The following RCAN2 variants were observed in gnomAD, a reference collection of about 807,000 sequenced individuals.
The protein encoded by RCAN2 is regulator of calcineurin 2, also known as calcipressin-2.
A neutral mutation model predicts 23.6 loss-of-function variants in RCAN2; 9 were observed. That is an observed-to-expected ratio of 0.38 (90% CI 0.23 to 0.67). The LOEUF is 0.67. Ranked by LOEUF, RCAN2 falls within the 30% of genes least tolerant of loss-of-function variation. RCAN2 has a pLI of 0.51. For missense variants in RCAN2, 273 were observed against 302.3 expected (o/e 0.90, Z 0.72); for synonymous variants, 109 against 115.7 (o/e 0.94, Z 0.37).
intron 1 of RCAN2, 147 bp downstream of exon 1, chr6:46,491,026 C>T (rs1458745762): frequency 1.3e-5 from 2 of 149,260 alleles, no homozygotes; most frequent in East Asian, 4.0e-4. Context: ...ACCGCCCCCG[C>T]CCCCGCCCCC....
At chr6:46,372,703 A>G (rs1041393304) in intron 2 of RCAN2, among the ~76,000 whole-genome samples, 2 of 152,242 alleles carry the variant, frequency 1.3e-5, no homozygotes, top group Non-Finnish European at 2.9e-5. Flanking sequence ...CTGAAAAATG[A>G]TGCAAAGGAT....
At chr6:46,426,890 T>G (rs1767047200) in intron 2 of RCAN2, among the ~76,000 whole-genome samples, 1 of 152,202 alleles carries the variant, frequency 6.6e-6, no homozygotes, top group Non-Finnish European at 1.5e-5. Context: ...GGCAGACTTT[T>G]AGCAAGTAGA....
intron 1 of RCAN2, among the ~76,000 whole-genome samples, chr6:46,479,718 G>A (rs1285552766): frequency 6.6e-6 from 1 of 151,742 alleles, no homozygotes; most frequent in African/African-American, 2.4e-5. Flanking sequence ...GAGTAGCTGG[G>A]ACTACAGGCA....
intron 2 of RCAN2, among the ~76,000 whole-genome samples, chr6:46,281,076 G>A (rs1402851251): frequency 6.6e-6 from 1 of 152,178 alleles, no homozygotes; most frequent in South Asian, 2.1e-4. Flanking sequence ...TGGTCAGGAG[G>A]TTCCTGGAGA....
intron 2 of RCAN2, among the ~76,000 whole-genome samples, chr6:46,400,957 A>G (rs1410381412): frequency 1.3e-5 from 2 of 152,232 alleles, no homozygotes; most frequent in Admixed American, 1.3e-4. Context: ...TCATTCCAGG[A>G]AAGTCTATTA....
At chr6:46,376,021 G>A (rs1410780752) in intron 2 of RCAN2, among the ~76,000 whole-genome samples, 1 of 152,044 alleles carries the variant, frequency 6.6e-6, no homozygotes, top group Non-Finnish European at 1.5e-5. Flanking sequence ...ATTCTTCAAT[G>A]TCCAACTCAA....
intron 2 of RCAN2, among the ~76,000 whole-genome samples, chr6:46,425,896 C>CTTTTTTTTT (rs1049166361): frequency 1.3e-4 from 16 of 126,676 alleles, no homozygotes; most frequent in Non-Finnish European, 1.9e-4. Flanking sequence ...TTCTTTCTTT[C>CTTTTTTTTT]TTTTTTTTTT....
intron 1 of RCAN2, among the ~76,000 whole-genome samples, chr6:46,462,349 G>A (rs1450615423): frequency 1.3e-5 from 2 of 152,216 alleles, no homozygotes; most frequent in African/African-American, 4.8e-5. Context: ...TAATGGCAAT[G>A]AAGACATAGA....
intron 2 of RCAN2, among the ~76,000 whole-genome samples, chr6:46,254,983 A>G (rs975175549): frequency 1.3e-5 from 2 of 152,204 alleles, no homozygotes; most frequent in African/African-American, 2.4e-5. Flanking sequence ...TGGGATCCAG[A>G]GGTATCACCG....
intron 2 of RCAN2, among the ~76,000 whole-genome samples, chr6:46,377,319 G>T (rs1011732010): frequency 6.6e-6 from 1 of 152,186 alleles, no homozygotes; most frequent in East Asian, 1.9e-4. Context: ...AAAGAGCCTA[G>T]CAGAAACTAC....
At chr6:46,249,546 C>T (rs1033526732) in intron 2 of RCAN2, among the ~76,000 whole-genome samples, 9 of 151,570 alleles carry the variant, frequency 5.9e-5, no homozygotes, top group Middle Eastern at 6.8e-3. Flanking sequence ...TCTCGAACTC[C>T]GGACCTCAAG....
intron 2 of RCAN2, among the ~76,000 whole-genome samples, chr6:46,393,328 T>C (rs1765988646): frequency 6.6e-6 from 1 of 152,224 alleles, no homozygotes; most frequent in South Asian, 2.1e-4. Flanking sequence ...TTTTTGTTCC[T>C]GTGATGTGGG....
At chr6:46,337,208 C>T (rs6940825) in intron 2 of RCAN2, among the ~76,000 whole-genome samples, 64,048 of 151,808 alleles carry the variant, frequency 0.42, 14,947 homozygotes, top group East Asian at 0.6. Flanking sequence ...AATGAGATTA[C>T]TTCTTACAAT....
At chr6:46,417,170 C>T (rs564911671) in intron 2 of RCAN2, among the ~76,000 whole-genome samples, 139 of 152,286 alleles carry the variant, frequency 9.1e-4, no homozygotes, top group Non-Finnish European at 1.7e-3. Flanking sequence ...AATTCATGGG[C>T]ATTTTTATGA....
At chr6:46,235,684 TTC>T (rs1274457310) in intron 4 of RCAN2, among the ~76,000 whole-genome samples, 1 of 152,146 alleles carries the variant, frequency 6.6e-6, no homozygotes, top group Non-Finnish European at 1.5e-5. Flanking sequence ...TCCTTGAATT[TTC>T]TCTCTCTTTC....
At chr6:46,239,613 TC>T (rs1279006563) in intron 4 of RCAN2, among the ~76,000 whole-genome samples, 2 of 151,856 alleles carry the variant, frequency 1.3e-5, no homozygotes, top group Non-Finnish European at 2.9e-5. Flanking sequence ...TTTCCTTTCC[TC>T]CCCCTCCTCA....
chr6:46,375,237 G>T (rs1163412001), intron 2 of RCAN2, among the ~76,000 whole-genome samples: 1 of 152,202 alleles, frequency 6.6e-6, no homozygotes, highest in Non-Finnish European at 1.5e-5. Context: ...GAACCACCAT[G>T]CCTGGGCAAC....
At chr6:46,376,390 C>T (rs1262717195) in intron 2 of RCAN2, among the ~76,000 whole-genome samples, 1 of 152,180 alleles carries the variant, frequency 6.6e-6, no homozygotes, top group African/African-American at 2.4e-5. Context: ...ACAACTGATG[C>T]CATCATTAAG....
intron 2 of RCAN2, among the ~76,000 whole-genome samples, chr6:46,318,968 T>G (rs907118147): frequency 6.6e-6 from 1 of 152,224 alleles, no homozygotes; most frequent in Non-Finnish European, 1.5e-5. Context: ...ACTTTGTACC[T>G]GCTCAAAATT....
Sources: gnomAD v4.1 joint callset for allele counts (sites outside exome capture counted in the v4.1 genomes callset) on GRCh38, gnomAD v4.1.1 for gene constraint, MANE v1.5 for transcripts, NCBI Gene and HGNC (gene_info 2026-07-23, HGNC 2026-07-21) for gene names.